NMUR2: variants seen among roughly 807,000 people sequenced by gnomAD.
NMUR2 encodes neuromedin U receptor 2.
In NMUR2, 24 loss-of-function variants were observed where a neutral mutation model predicts 25.1. That is an observed-to-expected ratio of 0.96 (90% confidence interval 0.69 to 1.34). The LOEUF (loss-of-function observed/expected upper bound fraction) is 1.34. Ranked by LOEUF, NMUR2 falls within the 40% of genes most tolerant of loss-of-function variation. The probability of loss-of-function intolerance (pLI) is 0.00; values close to 1 mark genes in which losing one functional copy is unlikely to be tolerated. For missense variants in NMUR2, 533 were observed against 512.8 expected (o/e 1.04, Z -0.38); for synonymous variants, 218 against 208.1 (o/e 1.05, Z -0.41).
Position 152,392,360 on chromosome 5 carries a change from G to A in NMUR2, c.1079C>T (p.Ala360Val). 1 of 1,614,070 alleles carries A rather than the reference G, an allele frequency of 6.2e-7. No homozygotes were observed. Among genetic ancestry groups the A allele is most frequent in the Non-Finnish European group, 8.5e-7 (1 of 1,179,962 alleles). ...TTCTGTCAGGAAGATGTTCCGCTGG[G>A]CAGGTGGCAACTGTGGGTCATGCTG... ...HSQHDPQLPP[A>V]QRNIFLTECH... is the part of the protein sequence containing the mutation. The change falls in exon 4 of 4, where the codon GCC becomes GTC. Residue 360 changes from alanine (A) to valine (V), a missense_variant. Coordinates refer to ENST00000255262, the MANE Select transcript of NMUR2 (RefSeq NM_020167.5).
chr5:152,394,622 A>G (rs1229499723), intron 3 of NMUR2, among the ~76,000 whole-genome samples: 1 of 152,222 alleles, frequency 6.6e-6, no homozygotes, highest in African/African-American at 2.4e-5. Context: ...ACTTGAAGTT[A>G]GATGACTTGG....
intron 1 of NMUR2, among the ~76,000 whole-genome samples, chr5:152,403,361 A>C (rs1335807138): frequency 6.6e-6 from 1 of 152,160 alleles, no homozygotes; most frequent in Non-Finnish European, 1.5e-5. Context: ...AGTGGGTGTA[A>C]AATTGTCATT....
intron 2 of NMUR2, among the ~76,000 whole-genome samples, chr5:152,397,771 A>G (rs1753185260): frequency 6.6e-6 from 1 of 152,170 alleles, no homozygotes. Context: ...CAGTGGATGA[A>G]ACTGAGAGTG....
Position 152,405,104 on chromosome 5 carries a change from T to A in NMUR2, c.10A>T (p.Met4Leu), listed in dbSNP as rs768183296. 1 of 1,601,480 alleles carries A rather than the reference T, an allele frequency of 6.2e-7. No individual in the cohort carries two copies. The highest frequency in any genetic ancestry group is 2.2e-5 in the East Asian group (1 of 44,502). Reference protein sequence around the residue: MSGMEKLQNASWIY... With the variant: MSGLEKLQNASWIY... Reference sequence around the variant, plus strand: ...CAGGAAGCATTCTGAAGTTTTTCCATCCCTGACATTAAAATCCAAGGCCTG... The same window carrying A: ...CAGGAAGCATTCTGAAGTTTTTCCAACCCTGACATTAAAATCCAAGGCCTG... Residue 4 changes from methionine to leucine, a missense_variant, in exon 1 of 4, where the codon ATG (methionine) becomes TTG (leucine). Transcript: ENST00000255262.
In NMUR2 at chr5:152,398,156, G is replaced by A. The variant is rs777500198; in HGVS notation, c.727-12C>T. 1.9e-6 allele frequency: 3 copies of A among 1,594,800 alleles called. No individual in the cohort carries two copies. The highest frequency in any genetic ancestry group is 2.2e-5 in the East Asian group (1 of 44,750). The stretch of plus-strand genomic sequence containing the variant: ...TTGTCTTTCTTTAGCTGAAAGGGAA[G>A]TAAGTTGGGAGAGATAGTAAGAAAG... On this transcript the variant is annotated splice_polypyrimidine_tract_variant and intron_variant, in intron 1 of 3. Coordinates refer to ENST00000255262, the MANE Select transcript of NMUR2 (RefSeq NM_020167.5).
intron 1 of NMUR2, among the ~76,000 whole-genome samples, chr5:152,398,921 C>T (rs551784353): frequency 6.6e-5 from 10 of 152,220 alleles, no homozygotes; most frequent in Admixed American, 3.9e-4. Context: ...TATGGAGATC[C>T]TTGATGTAAC....
Position 152,404,506 on chromosome 5 carries a change from G to A in NMUR2, c.608C>T (p.Thr203Ile), listed in dbSNP as rs565548181. ...PNGSLVPGSA[T>I]CTVIKPMWIY... ...CCACATGGGCTTGATGACCGTACAGGTGGCCGAACCTGGGACCAGGGACCC... is the reference window on the plus strand; with the variant it reads ...CCACATGGGCTTGATGACCGTACAGATGGCCGAACCTGGGACCAGGGACCC... The change falls in exon 1 of 4, where the codon ACC becomes ATC. Residue 203 changes from threonine to isoleucine, a missense_variant. Transcript: ENST00000255262. The A allele has an allele frequency of 2.5e-6, 4 of 1,614,026 alleles. No individual in the cohort carries two copies. The highest frequency in any genetic ancestry group is 4.5e-5 in the East Asian group (2 of 44,872).
chr5:152,392,421 T>G lies in NMUR2; in HGVS notation c.1018A>C (p.Asn340His), dbSNP rs1442087781. 1 of 1,614,026 alleles carries G rather than the reference T, an allele frequency of 6.2e-7. No individual in the cohort carries two copies. Residue 340 changes from asparagine to histidine, a missense_variant, in exon 4 of 4, where the codon AAT becomes CAT. Asn to His is a moderately conservative substitution (Grantham distance 68). Transcript: ENST00000255262. ...TGTTTGTGGAAAGAAGAGATCACAT[T>G]CTGGAATGCTGCCTGGAAGCGGCGA... ...LSRRFQAAFQ[N>H]VISSFHKQWH... is the part of the protein sequence containing the mutation.
chr5:152,404,836 A>G lies in NMUR2; in HGVS notation c.278T>C (p.Leu93Pro), dbSNP rs150629699. 22 of 1,613,984 alleles carry G rather than the reference A, an allele frequency of 1.4e-5. No individual in the cohort carries two copies. Among genetic ancestry groups the G allele is most frequent in the South Asian group, 7.7e-5 (7 of 91,076 alleles). ...CAGGGGCATTCCAAGGAGCAGGACC[A>G]GGAGGTCAGAGACCGCCAGGCTGAA... ...YLFSLAVSDLLVLLLGMPLEV... is the reference protein window; with the variant it reads ...YLFSLAVSDLPVLLLGMPLEV... Residue 93 changes from leucine to proline, a missense_variant, in exon 1 of 4, where the codon CTG (leucine) becomes CCG (proline). Transcript: ENST00000255262.
At chr5:152,399,575 T>A (rs2113100044) in intron 1 of NMUR2, among the ~76,000 whole-genome samples, 1 of 152,194 alleles carries the variant, frequency 6.6e-6, no homozygotes, top group South Asian at 2.1e-4. Context: ...AAAGAAAAAA[T>A]GCTTGGAGCC....
chr5:152,405,236 C>A lies in NMUR2; in HGVS notation c.-123G>T. The A allele has an allele frequency of 8.4e-7, 1 of 1,185,692 alleles. No individual in the cohort carries two copies. Among genetic ancestry groups the A allele is most frequent in the Non-Finnish European group, 1.2e-6 (1 of 857,762 alleles). 73.4% of individuals were successfully genotyped at this position (1,185,692 alleles called of 1,614,324 possible). ...AAGCAGTCACGAAAGTCACAGGCTT[C>A]GTAAGGAAGGCTGGGAGAGAGTGAG... On this transcript the variant is annotated 5_prime_UTR_variant, in exon 1 of 4. Coordinates refer to ENST00000255262, the MANE Select transcript of NMUR2 (RefSeq NM_020167.5).
chr5:152,396,197 AACACACACAC>A (rs3042430), intron 2 of NMUR2, among the ~76,000 whole-genome samples: 2 of 143,382 alleles, frequency 1.4e-5, no homozygotes, highest in Admixed American at 7.3e-5. Context: ...CCACAAATTA[AACACACACAC>A]ACACACACAC....
intron 3 of NMUR2, among the ~76,000 whole-genome samples, chr5:152,394,197 T>G (rs1274713205): frequency 6.6e-6 from 1 of 152,204 alleles, no homozygotes; most frequent in Admixed American, 6.5e-5. Flanking sequence ...TAAACATTTC[T>G]GTTTTCCGCA....
intron 3 of NMUR2, among the ~76,000 whole-genome samples, chr5:152,394,012 A>C (rs1580886057): frequency 6.7e-6 from 1 of 150,070 alleles, no homozygotes; most frequent in East Asian, 1.9e-4. Context: ...AGGGTTTAAG[A>C]GATTTAGATT....
Position 152,405,168 on chromosome 5 carries a change from AGG to A in NMUR2, c.-57_-56del. The stretch of plus-strand genomic sequence containing the variant: ...ACGAGGCTCTGTTTCAAGCTGAGCC[AGG>A]AAAAAAAAAAAAAAAAGAAAAAAGG... On this transcript the variant is annotated 5_prime_UTR_variant, in exon 1 of 4. Coordinates refer to ENST00000255262, the MANE Select transcript of NMUR2 (RefSeq NM_020167.5). 2 of 1,362,070 alleles carry A rather than the reference AGG, an allele frequency of 1.5e-6. No homozygotes were observed. The highest frequency in any genetic ancestry group is 1.7e-5 in the South Asian group (1 of 58,520). 84.4% of individuals were successfully genotyped at this position (1,362,070 alleles called of 1,614,324 possible).
In NMUR2 at chr5:152,401,524, T is replaced by G. The variant is rs1283582195; in HGVS notation, c.726+2864A>C. On this transcript the variant is annotated intron_variant, in intron 1 of 3. Transcript: ENST00000255262. ...GTTTTGTGTAAATATCTCTATAATC[T>G]TAACACAATCTATTTACTTAAAAAA... is the stretch of plus-strand genomic sequence containing the variant. 3.3e-5 allele frequency among the ~76,000 whole-genome samples: 5 copies of G among 152,214 alleles called. No homozygotes were observed. In the East Asian group the frequency reaches 5.8e-4, roughly 18 times the overall value.
In NMUR2 at chr5:152,393,334, T is replaced by C. The variant is rs533915019; in HGVS notation, c.938-833A>G. Among the ~76,000 whole-genome samples the C allele has an allele frequency of 2.6e-5, 4 of 152,042 alleles. No individual in the cohort carries two copies. The East Asian group carries it at 5.8e-4, about 22-fold the overall frequency. Reference sequence around the variant, plus strand: ...AGTTAAGATACCATCCACAGAGAGGTTGAGAATGGCTAAGAATGTAAAACA... The same window carrying C: ...AGTTAAGATACCATCCACAGAGAGGCTGAGAATGGCTAAGAATGTAAAACA... On this transcript the variant is annotated intron_variant, in intron 3 of 3. Transcript: ENST00000255262.
chr5:152,398,466 G>C (rs1580888680), intron 1 of NMUR2, among the ~76,000 whole-genome samples: 2 of 152,118 alleles, frequency 1.3e-5, no homozygotes, highest in African/African-American at 4.8e-5. Context: ...AAGTTAGAAA[G>C]GCTTCTCAAT....
chr5:152,398,375 G>A (rs764434578), intron 1 of NMUR2, among the ~76,000 whole-genome samples: 11 of 152,124 alleles, frequency 7.2e-5, no homozygotes, highest in African/African-American at 9.7e-5. Context: ...ACCACTTTTC[G>A]TATACAGTTA....
Sources: allele counts gnomAD v4.1 joint callset (sites outside exome capture counted in the v4.1 genomes callset), GRCh38; gene constraint gnomAD v4.1.1; transcripts MANE v1.5; gene names NCBI Gene and HGNC (gene_info 2026-07-23, HGNC 2026-07-21).